The following DNAJC5 variants were observed in gnomAD, a reference collection of about 807,000 sequenced individuals.
The protein encoded by DNAJC5 is dnaJ homolog subfamily C member 5.
Under a neutral mutation model 23.2 loss-of-function variants are expected in DNAJC5, and 1 was observed. The observed-to-expected ratio is 0.04, with a 90% CI of 0.02 to 0.20. The LOEUF is 0.20. Ranked by LOEUF, DNAJC5 falls within the 10% of genes least tolerant of loss-of-function variation. The pLI is 1.00. For synonymous variants in DNAJC5, 136 were observed against 120.0 expected (o/e 1.13, Z -0.87); for missense variants, 180 against 267.0 (o/e 0.67, Z 2.27).
At chr20:63,899,351 T>G (rs543495162) in intron 1 of DNAJC5, among the ~76,000 whole-genome samples, 2 of 152,284 alleles carry the variant, frequency 1.3e-5, no homozygotes, top group South Asian at 4.1e-4. Flanking sequence ...CCCAGAAGAT[T>G]TAAGGATTAG....
rs1274027992 is a variant in DNAJC5, at chr20:63,933,291, A to G, written c.*1723A>G. 6.6e-6 allele frequency: 1 copy of G among 152,374 alleles called. No individual in the cohort carries two copies. The highest frequency in any genetic ancestry group is 1.5e-5 in the Non-Finnish European group (1 of 68,058). The allele number at this position is 152,374 out of a possible 1,614,324, so 9.4% of individuals were successfully genotyped here. A position where few individuals can be genotyped will look rare whatever the true frequency, so the allele number is the denominator to read the frequency against. On this transcript the variant is annotated 3_prime_UTR_variant, in exon 5 of 5. Transcript: ENST00000360864. ...AAGGGTAGGTTCAGGTTGACCAGGAAGCTGCCAAAAGGGACATGGATATGA... is the reference window on the plus strand; with the variant it reads ...AAGGGTAGGTTCAGGTTGACCAGGAGGCTGCCAAAAGGGACATGGATATGA...
chr20:63,929,441 C>T lies in DNAJC5; in HGVS notation c.237C>T (p.Tyr79=), dbSNP rs149971662. 1.9e-5 allele frequency: 30 copies of T among 1,614,094 alleles called. No individual in the cohort carries two copies. The African/African-American group carries it at 2.0e-4, about 11-fold the overall frequency. The change falls in exon 3 of 5, where the codon TAC becomes TAT. Residue 79 remains tyrosine (Y), a synonymous_variant. Transcript: ENST00000360864. This position sits in a 1 kb window ranked among gnomAD's most constrained non-coding sequence, Gnocchi z 8.6. ...DATKRNIYDK[Y]GSLGLYVAEQ... is the part of the protein sequence containing the mutation. Reference sequence around the variant, plus strand: ...CAAAAAGGAACATCTACGACAAGTACGGCTCGCTGGGTCTCTACGTGGCCG... The same window carrying T: ...CAAAAAGGAACATCTACGACAAGTATGGCTCGCTGGGTCTCTACGTGGCCG...
At position 63,933,303 on chromosome 20, in the gene DNAJC5, G is replaced by A. The variant is rs1333401130; in HGVS notation, c.*1735G>A. 6.6e-6 allele frequency: 1 copy of A among 152,362 alleles called. No homozygotes were observed. The highest frequency in any genetic ancestry group is 2.4e-5 in the African/African-American group (1 of 41,430). 9.4% of individuals were successfully genotyped at this position (152,362 alleles called of 1,614,324 possible). A position where few individuals can be genotyped will look rare whatever the true frequency, so the allele number is the denominator to read the frequency against. On this transcript the variant is annotated 3_prime_UTR_variant, in exon 5 of 5. Transcript: ENST00000360864. ...AGGTTGACCAGGAAGCTGCCAAAAG[G>A]GACATGGATATGAGGATACATCTGG...
In DNAJC5 at chr20:63,931,614, G is replaced by A. The variant is rs759852870; in HGVS notation, c.*46G>A. 4.0e-6 allele frequency: 6 copies of A among 1,493,618 alleles called. No homozygotes were observed. Among genetic ancestry groups the A allele is most frequent in the African/African-American group, 1.4e-5 (1 of 72,116 alleles). The allele number at this position is 1,493,618 out of a possible 1,614,324, so 92.5% of individuals were successfully genotyped here. A position where few individuals can be genotyped will look rare whatever the true frequency, so the allele number is the denominator to read the frequency against. ...AGAGGAGGAGCCGGCGCCTGGCCAC[G>A]CCAACCTTAGAATCATGAACTGTAG... On this transcript the variant is annotated 3_prime_UTR_variant, in exon 5 of 5. Coordinates refer to ENST00000360864, the MANE Select transcript of DNAJC5 (RefSeq NM_025219.3). The surrounding 1 kb of genome is among the most constrained non-coding windows in gnomAD (Gnocchi z 9.6).
rs1057521981 is a variant in DNAJC5 at position 63,931,449 on chromosome 20, T to C, written c.494-16T>C. The C allele has an allele frequency of 6.5e-7, 1 of 1,543,382 alleles. No individual in the cohort carries two copies. The highest frequency in any genetic ancestry group is 8.7e-7 in the Non-Finnish European group (1 of 1,149,952). On this transcript the variant is annotated splice_polypyrimidine_tract_variant and intron_variant, in intron 4 of 4. Transcript: ENST00000360864. This position sits in a 1 kb window ranked among gnomAD's most constrained non-coding sequence, Gnocchi z 9.6. ...GCTGTGGCCCTCGTGCAGTGCCCTG[T>C]GTGCTTGCTTTTCAGAGGCCACAGA...
At chr20:63,930,763 T>C in intron 3 of DNAJC5, 88 bp from the exon 4 acceptor site, 1 of 1,601,232 alleles carries the variant, frequency 6.2e-7, no homozygotes, top group East Asian at 2.2e-5. Flanking sequence ...ACGCACCCCC[T>C]GCCTTCTGCT....
intron 1 of DNAJC5, among the ~76,000 whole-genome samples, chr20:63,899,561 C>G (rs1273036956): frequency 6.6e-6 from 1 of 152,172 alleles, no homozygotes; most frequent in Non-Finnish European, 1.5e-5. Flanking sequence ...ATTGAAATTG[C>G]AGAAATTAGG....
At chr20:63,916,937 G>T (rs1024669011) in intron 1 of DNAJC5, among the ~76,000 whole-genome samples, 1 of 152,154 alleles carries the variant, frequency 6.6e-6, no homozygotes, top group Admixed American at 6.5e-5. Context: ...GTCTTCCCTT[G>T]TTCCCTGAAA....
In DNAJC5 at chr20:63,929,680, G is replaced by A. The variant is rs934029432; in HGVS notation, c.321+155G>A. Among the ~76,000 whole-genome samples, 4 of 147,512 alleles carry A rather than the reference G, an allele frequency of 2.7e-5. No individual in the cohort carries two copies. Among genetic ancestry groups the A allele is most frequent in the Non-Finnish European group, 3.0e-5 (2 of 67,578 alleles). ...GGCACCCGAGTCTCTCCTGCCGTGC[G>A]GGCACCCGAGTCACTCCTGCCGTGC... On this transcript the variant is annotated intron_variant, in intron 3 of 4. Coordinates refer to ENST00000360864, the MANE Select transcript of DNAJC5 (RefSeq NM_025219.3). This position sits in a 1 kb window ranked among gnomAD's most constrained non-coding sequence, Gnocchi z 8.6.
chr20:63,905,306 G>A (rs1362892972), intron 1 of DNAJC5, among the ~76,000 whole-genome samples: 1 of 151,798 alleles, frequency 6.6e-6, no homozygotes, highest in Non-Finnish European at 1.5e-5. Flanking sequence ...ACTAGAGATG[G>A]GGTTTCACCA....
In DNAJC5 at chr20:63,928,417, G is replaced by C; in HGVS notation, c.72G>C (p.Lys24Asn). 2 of 1,614,072 alleles carry C rather than the reference G, an allele frequency of 1.2e-6. No individual in the cohort carries two copies. The highest frequency in any genetic ancestry group is 8.5e-7 in the Non-Finnish European group (1 of 1,180,032). The part of the protein sequence containing the change: ...ESLYHVLGLD[K>N]NATSDDIKKS... ...TGTACCACGTCCTTGGGTTGGACAAGAACGCAACCTCAGATGACATTAAAA... is the reference window on the plus strand; with the variant it reads ...TGTACCACGTCCTTGGGTTGGACAACAACGCAACCTCAGATGACATTAAAA... The change falls in exon 2 of 5, where the codon AAG becomes AAC. Residue 24 changes from lysine to asparagine, a missense_variant. By Grantham distance (94) the Lys-to-Asn change is moderately conservative. This residue lies in a region of DNAJC5 where 77 missense variants were observed against 106.8 expected (regional missense o/e 0.72). Transcript: ENST00000360864. This position sits in a 1 kb window ranked among gnomAD's most constrained non-coding sequence, Gnocchi z 4.6.
At chr20:63,924,887 A>G (rs897457374) in intron 1 of DNAJC5, among the ~76,000 whole-genome samples, 1 of 152,204 alleles carries the variant, frequency 6.6e-6, no homozygotes, top group African/African-American at 2.4e-5. Context: ...GCGTGCCCCA[A>G]CTCACCTGTG....
intron 1 of DNAJC5, among the ~76,000 whole-genome samples, chr20:63,916,793 C>T (rs767165411): frequency 6.6e-6 from 1 of 152,136 alleles, no homozygotes; most frequent in Non-Finnish European, 1.5e-5. Flanking sequence ...ATTCCTTTCC[C>T]AGAGTATTAA....
chr20:63,899,066 C>T (rs920111337), intron 1 of DNAJC5, among the ~76,000 whole-genome samples: 1 of 152,134 alleles, frequency 6.6e-6, no homozygotes, highest in African/African-American at 2.4e-5. Context: ...TGACTGGGGC[C>T]GCTGTGACTC....
chr20:63,911,728 C>T (rs957035602), intron 1 of DNAJC5, among the ~76,000 whole-genome samples: 2 of 151,452 alleles, frequency 1.3e-5, no homozygotes, highest in South Asian at 2.1e-4. Flanking sequence ...GGCTGGAGTG[C>T]GGTGGCGCGA....
chr20:63,913,104 C>CCCTGCCCCGTCT (rs1555878047), intron 1 of DNAJC5, among the ~76,000 whole-genome samples: 330 of 151,584 alleles, frequency 2.2e-3, no homozygotes, highest in East Asian at 5.2e-3. Context: ...CACTGTCTCT[C>CCCTGCCCCGTCT]CCAGAGGTGT....
At chr20:63,926,555 A>G (rs1442908074) in intron 1 of DNAJC5, among the ~76,000 whole-genome samples, 1 of 152,234 alleles carries the variant, frequency 6.6e-6, no homozygotes, top group African/African-American at 2.4e-5. Context: ...ATTTGTTATG[A>G]GGAATTGGCC....
intron 1 of DNAJC5, among the ~76,000 whole-genome samples, chr20:63,897,080 T>G (rs2053380417): frequency 6.6e-6 from 1 of 152,176 alleles, no homozygotes; most frequent in South Asian, 2.1e-4. Context: ...ATAATTATTT[T>G]GAAGTTAAAA....
intron 1 of DNAJC5, among the ~76,000 whole-genome samples, chr20:63,911,710 G>C (rs1046549110): frequency 6.6e-6 from 1 of 151,380 alleles, no homozygotes; most frequent in African/African-American, 2.4e-5. Context: ...GTCTTGCTCT[G>C]TCAATCAGGC....
Sources: gnomAD v4.1 joint callset for allele counts (sites outside exome capture counted in the v4.1 genomes callset) on GRCh38, gnomAD v4.1.1 for gene constraint, gnomAD v4.1.1 regional missense constraint, Gnocchi (gnomAD v3.1) non-coding constraint, MANE v1.5 for transcripts, NCBI Gene and HGNC (gene_info 2026-07-23, HGNC 2026-07-21) for gene names.